KLF12: variants seen among roughly 807,000 people sequenced by gnomAD.
KLF12 encodes the protein Krueppel-like factor 12.
A neutral mutation model predicts 37.8 loss-of-function variants in KLF12; 9 were observed. The observed-to-expected ratio is 0.24, with a 90% CI of 0.14 to 0.42. The LOEUF (loss-of-function observed/expected upper bound fraction) is 0.42. KLF12 is among the 10% of genes least tolerant of loss of function. The pLI is 1.00. For missense variants in KLF12, 411 were observed against 516.0 expected, an observed-to-expected ratio of 0.80 and a Z score of 1.97; for synonymous variants, 208 against 202.1, an observed-to-expected ratio of 1.03 and a Z score of -0.25.
At chr13:74,127,103 A>G (rs995024594) in intron 1 of KLF12, among the ~76,000 whole-genome samples, 14 of 152,322 alleles carry the variant, frequency 9.2e-5, no homozygotes, top group African/African-American at 3.4e-4. Flanking sequence ...CTCTGGGATC[A>G]AGGGATCCTC....
chr13:73,695,228 A>C lies in KLF12; in HGVS notation c.*262T>G. On this transcript the variant is annotated 3_prime_UTR_variant, in exon 8 of 8. Coordinates refer to ENST00000377669, the MANE Select transcript of KLF12 (RefSeq NM_007249.5). ...TACAAACATCTTTAAATGGCAGAGG[A>C]CACAGCACGGAAAACAATGCCTGTC... 1 of 444,942 alleles carries C rather than the reference A, an allele frequency of 2.2e-6. No individual in the cohort carries two copies. The highest frequency in any genetic ancestry group is 4.0e-6 in the Non-Finnish European group (1 of 247,516). The allele number at this position is 444,942 out of a possible 1,614,324, so 27.6% of individuals were successfully genotyped here. A position where few individuals can be genotyped will look rare whatever the true frequency, so the allele number is the denominator to read the frequency against.
intron 2 of KLF12, among the ~76,000 whole-genome samples, chr13:73,966,009 T>C (rs1454078503): frequency 6.6e-6 from 1 of 152,240 alleles, no homozygotes; most frequent in Middle Eastern, 3.2e-3. Flanking sequence ...CTAGCAATTG[T>C]TAACTCTTGG....
At chr13:73,945,683 C>T (rs573268790) in intron 2 of KLF12, among the ~76,000 whole-genome samples, 1 of 151,730 alleles carries the variant, frequency 6.6e-6, no homozygotes, top group South Asian at 2.1e-4. Flanking sequence ...AGTTAATGAG[C>T]ATTTAAAAAG....
At chr13:73,999,037 A>G (rs959280085) in intron 1 of KLF12, among the ~76,000 whole-genome samples, 2 of 151,344 alleles carry the variant, frequency 1.3e-5, no homozygotes, top group Admixed American at 6.6e-5. Context: ...AATTCTCTAC[A>G]GAGAAGCAAA....
chr13:73,803,772 T>TCACACACACACACACACA (rs4053528), intron 5 of KLF12, among the ~76,000 whole-genome samples: 12 of 142,058 alleles, frequency 8.4e-5, no homozygotes, highest in Admixed American at 4.3e-4. Flanking sequence ...TACTGCAGAG[T>TCACACACACACACACACA]CACACACACA....
the KLF12 span, among the ~76,000 whole-genome samples, chr13:74,203,735 A>T: frequency 6.6e-6 from 1 of 152,126 alleles, no homozygotes; most frequent in Non-Finnish European, 1.5e-5. Context: ...TATGTCAGGG[A>T]AACACAGCTG....
At chr13:73,793,611 T>C (rs913186558) in intron 5 of KLF12, among the ~76,000 whole-genome samples, 3 of 152,250 alleles carry the variant, frequency 2.0e-5, no homozygotes, top group Non-Finnish European at 4.4e-5. Flanking sequence ...ATTGTCTTCA[T>C]GACTAGTATT....
At chr13:74,303,024 C>G in the KLF12 span, among the ~76,000 whole-genome samples, 2 of 152,218 alleles carry the variant, frequency 1.3e-5, no homozygotes, top group South Asian at 4.1e-4. Flanking sequence ...AGCCAGGACA[C>G]TTTTGAAAAT....
chr13:73,980,848 A>T, intron 2 of KLF12, among the ~76,000 whole-genome samples: 1 of 152,222 alleles, frequency 6.6e-6, no homozygotes, highest in Non-Finnish European at 1.5e-5. Flanking sequence ...AAATGGGACT[A>T]TTAAACAGTA....
chr13:73,801,252 A>G (rs1364038721), intron 5 of KLF12: 1 of 152,096 alleles, frequency 6.6e-6, no homozygotes, highest in Non-Finnish European at 1.5e-5. Flanking sequence ...AAAGTAAGGG[A>G]AAATTATGGC....
intron 3 of KLF12, among the ~76,000 whole-genome samples, chr13:73,902,636 T>C (rs1230517422): frequency 6.6e-6 from 1 of 152,250 alleles, no homozygotes; most frequent in African/African-American, 2.4e-5. Flanking sequence ...TCTAAAGTGT[T>C]CTTTAGACAA....
chr13:74,267,106 T>C, the KLF12 span, among the ~76,000 whole-genome samples: 2 of 152,230 alleles, frequency 1.3e-5, no homozygotes, highest in Non-Finnish European at 2.9e-5. Context: ...TCATGAATTA[T>C]GTAGCAATGG....
At chr13:74,122,609 A>AT (rs2138986357) in intron 1 of KLF12, among the ~76,000 whole-genome samples, 1 of 152,244 alleles carries the variant, frequency 6.6e-6, no homozygotes, top group South Asian at 2.1e-4. Flanking sequence ...TTAGTTTAAA[A>AT]GCGACAAAAA....
At chr13:73,786,546 G>A (rs1881358018) in intron 5 of KLF12, among the ~76,000 whole-genome samples, 1 of 151,898 alleles carries the variant, frequency 6.6e-6, no homozygotes, top group Non-Finnish European at 1.5e-5. Context: ...CATCAGAAAT[G>A]CCTTTCTCTG....
At chr13:74,262,852 CAT>C in the KLF12 span, among the ~76,000 whole-genome samples, 131 of 151,880 alleles carry the variant, frequency 8.6e-4, no homozygotes, top group Admixed American at 1.5e-3. Flanking sequence ...TATGTACACA[CAT>C]ATATATATGT....
chr13:74,100,183 T>C (rs1346380976), intron 1 of KLF12, among the ~76,000 whole-genome samples: 1 of 151,988 alleles, frequency 6.6e-6, no homozygotes, highest in African/African-American at 2.4e-5. Flanking sequence ...ATTAAGCAAA[T>C]AAATATGTTG....
chr13:73,938,856 A>C lies in KLF12; in HGVS notation c.123+5125T>G, dbSNP rs139821979. Among the ~76,000 whole-genome samples the C allele has an allele frequency of 4.9e-3, 741 of 152,252 alleles. 7 individuals carry two copies. Among genetic ancestry groups the C allele is most frequent in the African/African-American group, 0.016 (676 of 41,556 alleles). On this transcript the variant is annotated intron_variant, in intron 3 of 7. Coordinates refer to ENST00000377669, the MANE Select transcript of KLF12 (RefSeq NM_007249.5). Reference sequence around the variant, plus strand: ...ATATTTCCTGGTAGTTAAGGCATGGAGTATTGACGTGATTCTATACTTGTC... The same window carrying C: ...ATATTTCCTGGTAGTTAAGGCATGGCGTATTGACGTGATTCTATACTTGTC...
intron 2 of KLF12, among the ~76,000 whole-genome samples, chr13:73,946,731 T>TA (rs1265636871): frequency 6.6e-6 from 1 of 152,256 alleles, no homozygotes; most frequent in Non-Finnish European, 1.5e-5. Context: ...CTTCAACTGT[T>TA]AAACTCTTTC....
chr13:73,897,345 TC>T (rs1212662228), intron 3 of KLF12, among the ~76,000 whole-genome samples: 5 of 152,176 alleles, frequency 3.3e-5, no homozygotes, highest in African/African-American at 7.2e-5. Context: ...GCAACATGCA[TC>T]TACAGGCCAG....
Sources: gnomAD v4.1 joint callset for allele counts (sites outside exome capture counted in the v4.1 genomes callset) on GRCh38, gnomAD v4.1.1 for gene constraint, MANE v1.5 for transcripts, NCBI Gene and HGNC (gene_info 2026-07-23, HGNC 2026-07-21) for gene names.